The following IL5RA variants were observed in gnomAD, a reference collection of about 807,000 sequenced individuals.
The protein encoded by IL5RA is interleukin-5 receptor subunit alpha.
A neutral mutation model predicts 50.0 loss-of-function variants in IL5RA; 49 were observed. That is an observed-to-expected ratio of 0.98 (90% CI 0.78 to 1.24). The LOEUF (loss-of-function observed/expected upper bound fraction) is 1.24, where lower values mean the gene tolerates loss of function less well. Ranked by LOEUF, IL5RA falls within the 50% of genes most tolerant of loss-of-function variation. The pLI is 0.00. For synonymous variants in IL5RA, 202 were observed against 174.0 expected, an observed-to-expected ratio of 1.16 and a Z score of -1.26; for missense variants, 600 against 500.4, an observed-to-expected ratio of 1.20 and a Z score of -1.90.
intron 3 of IL5RA, chr3:3,103,105 A>C: frequency 4.9e-6 from 1 of 202,086 alleles, no homozygotes. Flanking sequence ...CTGGTCTTGA[A>C]CTCCTAACTT....
rs1676048971 is a variant in IL5RA at position 3,097,161 on chromosome 3, G to C, written c.709+709C>G. The stretch of plus-strand genomic sequence containing the variant: ...ATAGAACTATCTGGGATGAGGGAGA[G>C]TGTCTTCTCTATTGAGAACTGAGCA... On this transcript the variant is annotated intron_variant, in intron 7 of 11. Transcript: ENST00000446632. Among the ~76,000 whole-genome samples, 3 of 152,246 alleles carry C rather than the reference G, an allele frequency of 2.0e-5. No individual in the cohort carries two copies. The South Asian group carries it at 6.2e-4, about 31-fold the overall frequency.
At position 3,079,465 on chromosome 3, in the gene IL5RA, T is replaced by G. The variant is rs547811894; in HGVS notation, c.995-2838A>C. ...CTGTCCCTTCTCCTCATTCCCTTGG[T>G]TCATGTCGTCACTGCGTACCCAGTG... On this transcript the variant is annotated intron_variant, in intron 9 of 11. Coordinates refer to ENST00000446632, the MANE Select transcript of IL5RA (RefSeq NM_175726.4). Among the ~76,000 whole-genome samples, 78 of 152,284 alleles carry G rather than the reference T, an allele frequency of 5.1e-4. 1 individual carries two copies. Among genetic ancestry groups the G allele is most frequent in the South Asian group, 3.9e-3 (19 of 4,818 alleles).
At chr3:3,095,156 A>T in intron 8 of IL5RA, 143 bp downstream of exon 8, 2 of 621,590 alleles carry the variant, frequency 3.2e-6, no homozygotes, top group South Asian at 4.1e-5. Context: ...ATTTGGTTAT[A>T]TCTATAATAC....
intron 9 of IL5RA, among the ~76,000 whole-genome samples, chr3:3,080,790 G>C (rs965889887): frequency 2.0e-5 from 3 of 152,182 alleles, no homozygotes. Flanking sequence ...TAACTCCTGG[G>C]TTCAAGCAAT....
chr3:3,092,091 G>A lies in IL5RA; in HGVS notation c.994+133C>T. ...TCTATTCCTGATTGAAAAGGCAGTAGACCGAGAGAAAATTAGTCACAATAG... is the reference window on the plus strand; with the variant it reads ...TCTATTCCTGATTGAAAAGGCAGTAAACCGAGAGAAAATTAGTCACAATAG... On this transcript the variant is annotated intron_variant, in intron 9 of 11. Coordinates refer to ENST00000446632, the MANE Select transcript of IL5RA (RefSeq NM_175726.4). The surrounding 1 kb of genome is among the most constrained non-coding windows in gnomAD (Gnocchi z 4.2). 1.4e-6 allele frequency: 2 copies of A among 1,444,386 alleles called. No individual in the cohort carries two copies. Among genetic ancestry groups the A allele is most frequent in the Admixed American group, 5.7e-5 (2 of 35,106 alleles). The allele number at this position is 1,444,386 out of a possible 1,614,324, so 89.5% of individuals were successfully genotyped here.
chr3:3,074,035 A>C (rs1375877325), intron 11 of IL5RA, among the ~76,000 whole-genome samples: 1 of 152,248 alleles, frequency 6.6e-6, no homozygotes, highest in Admixed American at 6.5e-5. Context: ...AAGGCAATTC[A>C]CTGGGGAAAG....
intron 9 of IL5RA, among the ~76,000 whole-genome samples, chr3:3,081,145 T>C (rs1702650926): frequency 6.6e-6 from 1 of 152,218 alleles, no homozygotes; most frequent in Non-Finnish European, 1.5e-5. Flanking sequence ...CTACAGATCC[T>C]CGATGGTTCC....
chr3:3,091,991 C>G, intron 9 of IL5RA: 1 of 1,218,458 alleles, frequency 8.2e-7, no homozygotes, highest in Non-Finnish European at 1.0e-6. Flanking sequence ...GGAAAAAAAA[C>G]AGGCACCAGG....
Position 3,067,085 on chromosome 3 carries a change from A to C in IL5RA, c.*3140T>G, listed in dbSNP as rs1702154815. The stretch of plus-strand genomic sequence containing the variant: ...GGTGTTTACTGTTAAGTGAATTTCA[A>C]ACTCTTTGACTTGCTATGACAAGGC... On this transcript the variant is annotated 3_prime_UTR_variant, in exon 12 of 12. Coordinates refer to ENST00000446632, the MANE Select transcript of IL5RA (RefSeq NM_175726.4). The C allele has an allele frequency of 6.6e-6, 1 of 152,242 alleles. No homozygotes were observed. Among genetic ancestry groups the C allele is most frequent in the South Asian group, 2.1e-4 (1 of 4,836 alleles). 9.4% of individuals were successfully genotyped at this position (152,242 alleles called of 1,614,324 possible). A position where few individuals can be genotyped will look rare whatever the true frequency, so the allele number is the denominator to read the frequency against.
chr3:3,102,727 C>T lies in IL5RA; in HGVS notation c.176G>A (p.Arg59Lys), dbSNP rs777808839. 52 of 1,609,490 alleles carry T rather than the reference C, an allele frequency of 3.2e-5. 1 individual carries two copies. In the South Asian group the frequency reaches 5.4e-4, roughly 17 times the overall value. ...CACTTGATATTCTAGATTAACATTC[C>T]TTTGCTCTTGATCAGGATTTGGTTT... Reference protein sequence around the residue: ...QWKPNPDQEQRNVNLEYQVKI... With the variant: ...QWKPNPDQEQKNVNLEYQVKI... The change falls in exon 4 of 12, where the codon AGG (arginine) becomes AAG (lysine). Residue 59 changes from arginine to lysine, a missense_variant. Arg to Lys is a conservative substitution (Grantham distance 26). Transcript: ENST00000446632.
chr3:3,080,432 G>A (rs1702624456), intron 9 of IL5RA, among the ~76,000 whole-genome samples: 1 of 152,160 alleles, frequency 6.6e-6, no homozygotes, highest in Non-Finnish European at 1.5e-5. Flanking sequence ...AAAACTGAGG[G>A]CACACTGAAT....
At chr3:3,089,833 G>C (rs1703015670) in intron 9 of IL5RA, 1 of 165,144 alleles carries the variant, frequency 6.1e-6, no homozygotes, top group Non-Finnish European at 1.3e-5. Flanking sequence ...ATGTTAGCCA[G>C]GATGGTGTCG....
Position 3,069,630 on chromosome 3 carries a change from T to TTCTCTCTCTCTCTCTCTCTCTC in IL5RA, c.*573_*594dup, listed in dbSNP as rs59813986. ...TCAGGCCTCTGGAGCTTGAGATAAT[T>TTCTCTCTCTCTCTCTCTCTCTC]TCTCTCTCTCTCTCTCTCTCTCTCT... On this transcript the variant is annotated 3_prime_UTR_variant, in exon 12 of 12. Transcript: ENST00000446632. 4.0e-4 allele frequency: 59 copies of TTCTCTCTCTCTCTCTCTCTCTC among 147,086 alleles called. No homozygotes were observed. Among genetic ancestry groups the TTCTCTCTCTCTCTCTCTCTCTC allele is most frequent in the Middle Eastern group, 3.5e-3 (1 of 286 alleles). 9.1% of individuals were successfully genotyped at this position (147,086 alleles called of 1,614,324 possible). A position where few individuals can be genotyped will look rare whatever the true frequency, so the allele number is the denominator to read the frequency against.
intron 9 of IL5RA, among the ~76,000 whole-genome samples, chr3:3,085,423 A>C: frequency 6.6e-6 from 1 of 152,200 alleles, no homozygotes; most frequent in East Asian, 1.9e-4. Context: ...CCACAGTGTG[A>C]GAATTTAACA....
intron 2 of IL5RA, among the ~76,000 whole-genome samples, chr3:3,106,062 C>T (rs1048137909): frequency 2.0e-5 from 3 of 152,048 alleles, no homozygotes; most frequent in African/African-American, 2.4e-5. Context: ...CTTCCATGGA[C>T]GTTATTCCTA....
intron 5 of IL5RA, among the ~76,000 whole-genome samples, chr3:3,099,345 A>C (rs554398732): frequency 6.6e-6 from 1 of 152,250 alleles, no homozygotes; most frequent in East Asian, 1.9e-4. Flanking sequence ...AAAAAATATA[A>C]AAATTAGGTG....
chr3:3,070,495 C>T (rs1467017429), intron 11 of IL5RA, among the ~76,000 whole-genome samples, 184 bp from the exon 12 acceptor site: 1 of 151,904 alleles, frequency 6.6e-6, no homozygotes. Flanking sequence ...CTCCCAAACA[C>T]AGCCCACTGC....
At chr3:3,091,904 C>A in intron 9 of IL5RA, 1 of 836,036 alleles carries the variant, frequency 1.2e-6, no homozygotes, top group Non-Finnish European at 1.5e-6. Context: ...TATTTCTTCC[C>A]ACAGCTTGTG....
intron 9 of IL5RA, 117 bp from the exon 10 acceptor site, chr3:3,076,744 G>A: frequency 1.6e-6 from 1 of 608,316 alleles, no homozygotes; most frequent in Non-Finnish European, 2.9e-6. Flanking sequence ...CCGGTGCTGG[G>A]TGGTGTTGGG....
Sources: allele counts gnomAD v4.1 joint callset (sites outside exome capture counted in the v4.1 genomes callset), GRCh38; gene constraint gnomAD v4.1.1; non-coding constraint Gnocchi (gnomAD v3.1); transcripts MANE v1.5; gene names NCBI Gene and HGNC (gene_info 2026-07-23, HGNC 2026-07-21).